The following FAM78B variants were observed in gnomAD, a reference collection of about 807,000 sequenced individuals.
The protein encoded by FAM78B is family with sequence similarity 78 member B, also known as protein FAM78B.
In FAM78B, 10 loss-of-function variants were observed where a neutral mutation model predicts 20.0. That is an observed-to-expected ratio of 0.50 (90% CI 0.31 to 0.85). FAM78B has a LOEUF of 0.85. Among genes scored for constraint, FAM78B ranks in the 40% least tolerant of loss-of-function variants. FAM78B has a pLI of 0.05. For missense variants in FAM78B, 283 were observed against 345.0 expected, an observed-to-expected ratio of 0.82 and a Z score of 1.42; for synonymous variants, 135 against 132.8, an observed-to-expected ratio of 1.02 and a Z score of -0.12.
intron 1 of FAM78B, among the ~76,000 whole-genome samples, chr1:166,144,676 T>C (rs1655397228): frequency 6.6e-6 from 1 of 152,234 alleles, no homozygotes; most frequent in South Asian, 2.1e-4. Context: ...GGTGGCTGTT[T>C]ATCTCTCAAA....
intron 1 of FAM78B, among the ~76,000 whole-genome samples, chr1:166,153,645 G>C (rs530451353): frequency 2.8e-4 from 43 of 152,286 alleles, no homozygotes; most frequent in Non-Finnish European, 3.2e-4. Context: ...TGCAAGCTTA[G>C]AGAAGGAGGG....
chr1:166,118,740 TTA>T (rs1377028090), intron 1 of FAM78B, among the ~76,000 whole-genome samples: 9 of 152,164 alleles, frequency 5.9e-5, no homozygotes, highest in South Asian at 4.1e-4. Context: ...TAACCCTCCA[TTA>T]TACAGATAAG....
At chr1:166,099,012 T>C (rs1012447029) in intron 1 of FAM78B, among the ~76,000 whole-genome samples, 2 of 152,150 alleles carry the variant, frequency 1.3e-5, no homozygotes, top group African/African-American at 2.4e-5. Context: ...TCAGGTAACT[T>C]ATAAAGGAAA....
intron 1 of FAM78B, chr1:166,082,549 G>C (rs1445045552): frequency 6.6e-6 from 1 of 152,272 alleles, no homozygotes; most frequent in African/African-American, 2.4e-5. Flanking sequence ...CCTTCTGAGA[G>C]TGGCTTCCAA....
chr1:166,122,323 C>T (rs1654494963), intron 1 of FAM78B, among the ~76,000 whole-genome samples: 1 of 152,144 alleles, frequency 6.6e-6, no homozygotes, highest in African/African-American at 2.4e-5. Flanking sequence ...GGGTTTCTAA[C>T]AGCCAGTGAT....
chr1:166,134,922 TTA>T (rs1655015616), intron 1 of FAM78B, among the ~76,000 whole-genome samples: 1 of 152,228 alleles, frequency 6.6e-6, no homozygotes. Flanking sequence ...CTGCTTCCTT[TTA>T]TTTGTCCTAA....
At chr1:166,132,195 C>T (rs1271146609) in intron 1 of FAM78B, among the ~76,000 whole-genome samples, 1 of 152,120 alleles carries the variant, frequency 6.6e-6, no homozygotes, top group Non-Finnish European at 1.5e-5. Context: ...TATTGTGTAA[C>T]ACCAGAATTA....
downstream of FAM78B, among the ~76,000 whole-genome samples, chr1:166,057,082 G>C (rs1285756736): frequency 6.6e-6 from 1 of 152,178 alleles, no homozygotes; most frequent in African/African-American, 2.4e-5. Flanking sequence ...CCAGCTTCCA[G>C]AACAGTGAGA....
chr1:166,112,111 G>A, intron 1 of FAM78B, among the ~76,000 whole-genome samples: 1 of 152,140 alleles, frequency 6.6e-6, no homozygotes, highest in East Asian at 1.9e-4. Context: ...CTAAATTCTT[G>A]GGGTATATCT....
chr1:166,068,797 A>G (rs1001872452), downstream of FAM78B, among the ~76,000 whole-genome samples: 1 of 152,218 alleles, frequency 6.6e-6, no homozygotes. Context: ...AAATATATAT[A>G]CAACCATATA....
At chr1:166,135,422 G>A (rs773317162) in intron 1 of FAM78B, among the ~76,000 whole-genome samples, 3 of 152,214 alleles carry the variant, frequency 2.0e-5, no homozygotes, top group Non-Finnish European at 4.4e-5. Context: ...ATAGCAGGAA[G>A]CATCATCCTG....
chr1:166,094,515 T>C (rs1557897665), intron 1 of FAM78B, among the ~76,000 whole-genome samples: 1 of 152,158 alleles, frequency 6.6e-6, no homozygotes, highest in Non-Finnish European at 1.5e-5. Flanking sequence ...GGCTGCACTG[T>C]GTGGTGATGA....
chr1:166,116,645 G>A (rs1255970302), intron 1 of FAM78B, among the ~76,000 whole-genome samples: 1 of 152,188 alleles, frequency 6.6e-6, no homozygotes, highest in Non-Finnish European at 1.5e-5. Flanking sequence ...TCAGAAAGAA[G>A]AGTCTATTTT....
exon 3 of FAM78B, chr1:166,058,589 G>A (rs1394931202): frequency 6.6e-6 from 1 of 151,522 alleles, no homozygotes; most frequent in African/African-American, 2.4e-5. Context: ...TACCTGATAT[G>A]GAGTTCACTG....
chr1:166,060,961 TGGG>T (rs545798143), intron 2 of FAM78B, among the ~76,000 whole-genome samples: 156 of 152,190 alleles, frequency 1.0e-3, no homozygotes, highest in African/African-American at 3.5e-3. Context: ...TCCTCAGAAA[TGGG>T]GGGGAAGTTG....
intron 1 of FAM78B, among the ~76,000 whole-genome samples, chr1:166,158,881 C>T (rs1219477506): frequency 6.6e-6 from 1 of 152,258 alleles, no homozygotes; most frequent in Non-Finnish European, 1.5e-5. Flanking sequence ...GGATGCTCTG[C>T]TACTGCTAAT....
chr1:166,160,984 C>T (rs192231504), intron 1 of FAM78B, among the ~76,000 whole-genome samples: 2 of 152,234 alleles, frequency 1.3e-5, no homozygotes, highest in East Asian at 3.9e-4. Context: ...CGGCTGAGAC[C>T]GGAATGAGGG....
intron 1 of FAM78B, among the ~76,000 whole-genome samples, chr1:166,071,090 A>G (rs1455900451): frequency 6.6e-6 from 1 of 152,210 alleles, no homozygotes; most frequent in Non-Finnish European, 1.5e-5. Flanking sequence ...GAGGAATTCC[A>G]TTACAAGAAC....
chr1:166,120,767 G>A (rs1654438211), intron 1 of FAM78B, among the ~76,000 whole-genome samples: 1 of 152,204 alleles, frequency 6.6e-6, no homozygotes, highest in South Asian at 2.1e-4. Flanking sequence ...AGCACGTGGT[G>A]AGCAGAGGAC....
Sources: gnomAD v4.1 joint callset for allele counts (sites outside exome capture counted in the v4.1 genomes callset) on GRCh38, gnomAD v4.1.1 for gene constraint, MANE v1.5 for transcripts, NCBI Gene and HGNC (gene_info 2026-07-23, HGNC 2026-07-21) for gene names.